The following ATP7A variants were observed in gnomAD, a reference collection of about 807,000 sequenced individuals.
The protein encoded by ATP7A is copper-transporting ATPase 1.
A neutral mutation model predicts 83.5 loss-of-function variants in ATP7A; 7 were observed. The ratio of observed to expected loss-of-function variants is 0.08; its 90% confidence interval spans 0.05 to 0.16. The LOEUF is 0.16. ATP7A is among the 10% of genes least tolerant of loss of function. The pLI is 1.00. For missense variants in ATP7A, 940 were observed against 1,120.8 expected, an observed-to-expected ratio of 0.84 and a Z score of 2.30; for synonymous variants, 354 against 395.2, an observed-to-expected ratio of 0.90 and a Z score of 1.24.
chrX:77,993,558 C>T (rs2077682069), intron 4 of ATP7A, among the ~76,000 whole-genome samples: 1 of 111,562 alleles, frequency 9.0e-6, no homozygotes, highest in South Asian at 3.7e-4. Flanking sequence ...TGATTGAAGG[C>T]AATAATATCA....
chrX:78,028,599 A>G (rs1165948162), intron 14 of ATP7A, among the ~76,000 whole-genome samples: 1 of 112,138 alleles, frequency 8.9e-6, no homozygotes, highest in Non-Finnish European at 1.9e-5. Context: ...TTAGCCTCCA[A>G]AAGTACTGGG....
At chrX:78,021,193 T>A in intron 14 of ATP7A, 114 bp downstream of exon 14, 1 of 823,898 alleles carries the variant, frequency 1.2e-6, no homozygotes, top group South Asian at 2.5e-5. Flanking sequence ...AGGTTTGGAG[T>A]GGGAGAGTGA....
At chrX:78,017,272 TG>T (rs2077871519) in intron 12 of ATP7A, among the ~76,000 whole-genome samples, 1 of 112,222 alleles carries the variant, frequency 8.9e-6, no homozygotes, top group African/African-American at 3.2e-5. Flanking sequence ...GCTGCTGGGA[TG>T]CAGGATACGA....
chrX:77,916,225 T>C (rs1238749846), intron 1 of ATP7A, among the ~76,000 whole-genome samples: 4 of 108,573 alleles, frequency 3.7e-5, no homozygotes, highest in African/African-American at 1.3e-4. Context: ...TGTGGTGGCA[T>C]GCGCCTATAG....
At chrX:78,038,598 G>C (rs1557237968) in intron 17 of ATP7A, among the ~76,000 whole-genome samples, 1 of 111,449 alleles carries the variant, frequency 9.0e-6, no homozygotes, top group Non-Finnish European at 1.9e-5. Context: ...GATTGAGTTT[G>C]CTGTCTGGAG....
At chrX:78,029,121 A>G in intron 14 of ATP7A, 129 bp from the exon 15 acceptor site, 1 of 674,786 alleles carries the variant, frequency 1.5e-6, no homozygotes, top group Non-Finnish European at 2.3e-6. Context: ...ACTAAAAAAT[A>G]TATGTAGGTA....
At chrX:77,985,579 T>C (rs1033239812) in intron 2 of ATP7A, among the ~76,000 whole-genome samples, 1 of 111,538 alleles carries the variant, frequency 9.0e-6, no homozygotes, top group Non-Finnish European at 1.9e-5. Flanking sequence ...ACTAACCACA[T>C]TGGCCAATGA....
At chrX:77,959,823 C>T (rs1345425134) in intron 1 of ATP7A, among the ~76,000 whole-genome samples, 7 of 112,088 alleles carry the variant, frequency 6.2e-5, no homozygotes, top group Admixed American at 5.7e-4. Context: ...ATGTGTGAGA[C>T]TCTGTCTAAG....
At chrX:77,944,019 C>T (rs898121346) in intron 1 of ATP7A, among the ~76,000 whole-genome samples, 3 of 111,775 alleles carry the variant, frequency 2.7e-5, no homozygotes, top group Non-Finnish European at 5.6e-5. Flanking sequence ...CAAAAAAGGC[C>T]GTAGTGATTT....
At chrX:77,969,194 G>C (rs1311006173) in intron 1 of ATP7A, 7 of 1,210,044 alleles carry the variant, frequency 5.8e-6, no homozygotes, top group Non-Finnish European at 7.8e-6. Flanking sequence ...GAGGGTAGCT[G>C]ATCTTCTGTG....
chrX:78,035,450 A>G (rs1366592963), intron 17 of ATP7A, among the ~76,000 whole-genome samples: 2 of 111,697 alleles, frequency 1.8e-5, no homozygotes, highest in African/African-American at 6.5e-5. Context: ...GATGAAAGCT[A>G]TGGGCCCACC....
Position 77,971,718 on chromosome X carries a change from T to C in ATP7A, c.77T>C (p.Ile26Thr). ...ACTTGCAATTCCTGTGTTTGGACCA[T>C]TGAGCAGCAGATTGGAAAAGTGAAT... ...GMTCNSCVWT[I>T]EQQIGKVNGV... Residue 26 changes from isoleucine to threonine, a missense_variant, in exon 2 of 23, where the codon ATT becomes ACT. Physicochemically the swap from Ile to Thr is moderately conservative, Grantham distance 89. Transcript: ENST00000341514. 2.5e-6 allele frequency: 3 copies of C among 1,211,410 alleles called. No homozygotes were observed. The highest frequency in any genetic ancestry group is 2.3e-4 in the Middle Eastern group (1 of 4,354).
At chrX:77,920,713 T>C (rs78641391) in intron 1 of ATP7A, among the ~76,000 whole-genome samples, 1 of 111,528 alleles carries the variant, frequency 9.0e-6, no homozygotes, top group Admixed American at 9.6e-5. Flanking sequence ...CAATCCACCA[T>C]TGATGGGCAC....
At position 78,012,888 on chromosome X, in the gene ATP7A, G is replaced by A; in HGVS notation, c.2182G>A (p.Gly728Ser). The A allele has an allele frequency of 8.3e-7, 1 of 1,210,093 alleles. No individual in the cohort carries two copies. The highest frequency in any genetic ancestry group is 2.3e-4 in the Middle Eastern group (1 of 4,351). The change falls in exon 10 of 23, where the codon GGC becomes AGC. Residue 728 changes from glycine (G) to serine (S), a missense_variant. By Grantham distance (56) the Gly-to-Ser change is moderately conservative. Transcript: ENST00000341514. Reference sequence around the variant, plus strand: ...CATTCCTATATTGCAGTTTTTCGGAGGCTGGTACTTCTACATTCAGGCTTA... The same window carrying A: ...CATTCCTATATTGCAGTTTTTCGGAAGCTGGTACTTCTACATTCAGGCTTA... ...LLCVPVQFFG[G>S]WYFYIQAYKA...
chrX:77,987,444 T>TGTGTG (rs2077643184), intron 2 of ATP7A, among the ~76,000 whole-genome samples: 1 of 85,867 alleles, frequency 1.2e-5, no homozygotes, highest in African/African-American at 4.4e-5. Context: ...AACCCAGTAT[T>TGTGTG]TGTGTGTGTG....
chrX:78,049,485 C>T lies in ATP7A; in HGVS notation c.*2915C>T, dbSNP rs1557239585. The T allele has an allele frequency of 2.7e-5, 3 of 112,449 alleles. No homozygotes were observed. Among genetic ancestry groups the T allele is most frequent in the Non-Finnish European group, 3.8e-5 (2 of 53,187 alleles). 9.3% of individuals were successfully genotyped at this position (112,449 alleles called of 1,213,427 possible). On this transcript the variant is annotated 3_prime_UTR_variant, in exon 23 of 23. Coordinates refer to ENST00000341514, the MANE Select transcript of ATP7A (RefSeq NM_000052.7). ...CGGTTCAGACTCACCTATGTGGCAC[C>T]TTAAACTTAAATATCCAAAGATGCC...
Position 78,011,660 on chromosome X carries a change from T to G in ATP7A, c.2158T>G (p.Cys720Gly), listed in dbSNP as rs1569549892. 11 of 1,206,716 alleles carry G rather than the reference T, an allele frequency of 9.1e-6. No individual in the cohort carries two copies. Among genetic ancestry groups the G allele is most frequent in the African/African-American group, 1.8e-5 (1 of 57,125 alleles). ...TATGAATTTGCTGTCCTTTTTATTG[T>G]GTGTACCTGTACAGGCAAGTGAATT... ...SVMNLLSFLL[C>G]VPVQFFGGWY... The change falls in exon 9 of 23, where the codon TGT becomes GGT. Residue 720 changes from cysteine to glycine, a missense_variant. Coordinates refer to ENST00000341514, the MANE Select transcript of ATP7A (RefSeq NM_000052.7).
intron 4 of ATP7A, among the ~76,000 whole-genome samples, chrX:77,995,460 C>T (rs781974097): frequency 6.7e-5 from 7 of 103,985 alleles, no homozygotes; most frequent in East Asian, 6.4e-4. Flanking sequence ...CCCAGCTACT[C>T]GGAAGGCTGA....
At chrX:77,981,154 C>CT (rs1251892453) in intron 2 of ATP7A, among the ~76,000 whole-genome samples, 1 of 111,509 alleles carries the variant, frequency 9.0e-6, no homozygotes, top group South Asian at 3.7e-4. Flanking sequence ...ATATGGGACT[C>CT]TTTTTTTGGC....
Sources: gnomAD v4.1 joint callset for allele counts (sites outside exome capture counted in the v4.1 genomes callset) on GRCh38, gnomAD v4.1.1 for gene constraint, MANE v1.5 for transcripts, NCBI Gene and HGNC (gene_info 2026-07-23, HGNC 2026-07-21) for gene names.